SLC26A7: variants seen among roughly 807,000 people sequenced by gnomAD.
SLC26A7 encodes the protein anion exchange transporter.
In SLC26A7, 59 loss-of-function variants were observed where a neutral mutation model predicts 82.5. The observed-to-expected ratio is 0.72, with a 90% CI of 0.58 to 0.89. The LOEUF (loss-of-function observed/expected upper bound fraction) is 0.89, where lower values mean the gene tolerates loss of function less well. SLC26A7 is among the 40% of genes least tolerant of loss of function. The pLI is 0.00. For missense variants in SLC26A7, 820 were observed against 793.0 expected (o/e 1.03, Z -0.41); for synonymous variants, 271 against 274.3 (o/e 0.99, Z 0.12).
chr8:91,366,502 G>A (rs1814194411), intron 13 of SLC26A7, 78 bp from the exon 14 acceptor site: 1 of 1,467,064 alleles, frequency 6.8e-7, no homozygotes, highest in Admixed American at 2.3e-5. Context: ...TTATAAAATT[G>A]AGTGACATTT....
At chr8:91,289,633 A>G (rs989720239) in intron 3 of SLC26A7, among the ~76,000 whole-genome samples, 1 of 151,810 alleles carries the variant, frequency 6.6e-6, no homozygotes, top group Non-Finnish European at 1.5e-5. Flanking sequence ...TGACAGAGCG[A>G]GACTCTGTCT....
chr8:91,281,075 C>T (rs1336251353), intron 2 of SLC26A7, among the ~76,000 whole-genome samples: 2 of 152,170 alleles, frequency 1.3e-5, no homozygotes, highest in Non-Finnish European at 2.9e-5. Context: ...TTCCTAATGG[C>T]TTCCTTAAAA....
chr8:91,290,051 C>T (rs1260693086), intron 3 of SLC26A7, among the ~76,000 whole-genome samples: 1 of 151,954 alleles, frequency 6.6e-6, no homozygotes. Flanking sequence ...ATATACAGTG[C>T]CTAATTTAAT....
intron 4 of SLC26A7, among the ~76,000 whole-genome samples, chr8:91,305,273 CTG>C (rs1190918724): frequency 6.6e-6 from 1 of 151,940 alleles, no homozygotes; most frequent in Non-Finnish European, 1.5e-5. Context: ...GGGAATGTGT[CTG>C]TATCTGTTTA....
intron 9 of SLC26A7, 123 bp from the exon 10 acceptor site, chr8:91,351,687 T>A (rs1004012140): frequency 7.3e-6 from 5 of 680,576 alleles, no homozygotes; most frequent in Admixed American, 2.5e-5. Context: ...AACAGTTATG[T>A]GTCAACATTT....
At chr8:91,358,977 A>G (rs919246088) in intron 11 of SLC26A7, among the ~76,000 whole-genome samples, 11 of 152,300 alleles carry the variant, frequency 7.2e-5, no homozygotes, top group African/African-American at 1.9e-4. Flanking sequence ...TATACCTAAT[A>G]TAAATGACGA....
At chr8:91,375,021 G>C (rs1424398964) in intron 15 of SLC26A7, among the ~76,000 whole-genome samples, 1 of 151,320 alleles carries the variant, frequency 6.6e-6, no homozygotes. Flanking sequence ...GCCATTGTTG[G>C]TTTAAAGTCT....
intron 1 of SLC26A7, among the ~76,000 whole-genome samples, chr8:91,210,785 G>T (rs1173297934): frequency 8.5e-6 from 1 of 117,366 alleles, no homozygotes; most frequent in Non-Finnish European, 1.9e-5. Context: ...AAACATAATG[G>T]TTAAAAGAGA....
chr8:91,370,327 T>C (rs1230267645), intron 15 of SLC26A7, among the ~76,000 whole-genome samples: 2 of 151,830 alleles, frequency 1.3e-5, no homozygotes, highest in African/African-American at 4.8e-5. Context: ...CCTCTCTTTC[T>C]TCTTCCTCCT....
intron 16 of SLC26A7, among the ~76,000 whole-genome samples, chr8:91,390,644 G>A (rs1253197866): frequency 1.3e-5 from 2 of 151,920 alleles, no homozygotes; most frequent in East Asian, 1.9e-4. Flanking sequence ...GCCTCCCTGC[G>A]TGGCTTGACA....
chr8:91,326,672 T>G (rs1055008626), intron 5 of SLC26A7, among the ~76,000 whole-genome samples: 1 of 152,206 alleles, frequency 6.6e-6, no homozygotes, highest in African/African-American at 2.4e-5. Context: ...GTCTCAGAAG[T>G]GAGCAGCATT....
At chr8:91,244,935 A>G (rs1377447044), upstream of SLC26A7, among the ~76,000 whole-genome samples, 1 of 152,202 alleles carries the variant, frequency 6.6e-6, no homozygotes, top group African/African-American at 2.4e-5. Flanking sequence ...TAAAGAAACT[A>G]TTGGAAAGTT....
At chr8:91,279,791 C>T (rs912672698) in intron 2 of SLC26A7, among the ~76,000 whole-genome samples, 1 of 152,128 alleles carries the variant, frequency 6.6e-6, no homozygotes, top group African/African-American at 2.4e-5. Context: ...GATCTCCTGA[C>T]CTCGTGTGCA....
intron 2 of SLC26A7, among the ~76,000 whole-genome samples, chr8:91,225,773 A>G (rs943099052): frequency 6.7e-6 from 1 of 150,304 alleles, no homozygotes; most frequent in Non-Finnish European, 1.5e-5. Context: ...ACACAAAAGA[A>G]AATGTTGGCT....
intron 3 of SLC26A7, among the ~76,000 whole-genome samples, chr8:91,292,734 T>A (rs1306156027): frequency 6.6e-6 from 1 of 151,508 alleles, no homozygotes; most frequent in South Asian, 2.1e-4. Flanking sequence ...TAAAATAGGT[T>A]TTTTTTTTAA....
intron 4 of SLC26A7, among the ~76,000 whole-genome samples, chr8:91,312,353 C>T (rs980024575): frequency 6.6e-6 from 1 of 151,988 alleles, no homozygotes; most frequent in Non-Finnish European, 1.5e-5. Context: ...TCCATTCATC[C>T]ACTGATGGAC....
At chr8:91,240,612 A>G (rs570630880) in intron 2 of SLC26A7, among the ~76,000 whole-genome samples, 17 of 152,268 alleles carry the variant, frequency 1.1e-4, no homozygotes, top group Admixed American at 3.9e-4. Flanking sequence ...TGGGCATTCA[A>G]TTTGACTTCC....
chr8:91,306,172 C>A (rs1320284264), intron 4 of SLC26A7, among the ~76,000 whole-genome samples: 5 of 152,184 alleles, frequency 3.3e-5, no homozygotes, highest in Non-Finnish European at 5.9e-5. Flanking sequence ...ACTCTTCCCT[C>A]CTTTTTGAAT....
chr8:91,345,616 C>A (rs1813541881), intron 9 of SLC26A7, among the ~76,000 whole-genome samples: 1 of 152,110 alleles, frequency 6.6e-6, no homozygotes, highest in Non-Finnish European at 1.5e-5. Context: ...AATATTAAAA[C>A]ATCCTGGTAT....
Sources: allele counts gnomAD v4.1 joint callset (sites outside exome capture counted in the v4.1 genomes callset), GRCh38; gene constraint gnomAD v4.1.1; transcripts MANE v1.5; gene names NCBI Gene and HGNC (gene_info 2026-07-23, HGNC 2026-07-21).